The following KDM7A variants were observed in gnomAD, a reference collection of about 807,000 sequenced individuals.
KDM7A encodes lysine demethylase 7A.
In KDM7A, 28 loss-of-function variants were observed where a neutral mutation model predicts 114.8. The ratio of observed to expected loss-of-function variants is 0.24; its 90% CI spans 0.18 to 0.33. KDM7A has a LOEUF of 0.33. Among genes scored for constraint, KDM7A ranks in the 10% least tolerant of loss-of-function variants. The pLI, the probability that KDM7A is intolerant of heterozygous loss-of-function variation, is 1.00. For missense variants in KDM7A, 942 were observed against 1,142.5 expected (o/e 0.82, Z 2.53); for synonymous variants, 423 against 397.8 (o/e 1.06, Z -0.75).
chr7:140,125,083 A>C (rs1585151436), intron 6 of KDM7A, among the ~76,000 whole-genome samples: 1 of 152,324 alleles, frequency 6.6e-6, no homozygotes, highest in South Asian at 2.1e-4. Flanking sequence ...TCATTGTCAA[A>C]TAGAGAAGTA....
intron 11 of KDM7A, among the ~76,000 whole-genome samples, chr7:140,110,657 G>T (rs1818416453): frequency 6.6e-6 from 1 of 151,374 alleles, no homozygotes; most frequent in African/African-American, 2.4e-5. Flanking sequence ...TTATTAAAGG[G>T]CATTTACCTA....
chr7:140,135,401 C>T (rs576883421), intron 2 of KDM7A, among the ~76,000 whole-genome samples: 3 of 152,162 alleles, frequency 2.0e-5, no homozygotes, highest in South Asian at 4.1e-4. Context: ...TGGGGTTTCA[C>T]CATGTTGGCC....
intron 10 of KDM7A, among the ~76,000 whole-genome samples, chr7:140,112,175 C>T (rs1027111606): frequency 2.6e-5 from 4 of 152,184 alleles, no homozygotes; most frequent in Non-Finnish European, 5.9e-5. Context: ...TGCTTCCACA[C>T]TGTTGTGCTC....
Position 140,089,459 on chromosome 7 carries a change from A to C in KDM7A, c.*1635T>G, listed in dbSNP as rs1010940240. Reference sequence around the variant, plus strand: ...GCAATTCAAGTGATACTTAATAGAGAAGGGTAAGTCCTGCTATCTTGCTGA... The same window carrying C: ...GCAATTCAAGTGATACTTAATAGAGCAGGGTAAGTCCTGCTATCTTGCTGA... On this transcript the variant is annotated 3_prime_UTR_variant, in exon 20 of 20. Transcript: ENST00000397560. 2.0e-5 allele frequency: 3 copies of C among 152,194 alleles called. No homozygotes were observed. The highest frequency in any genetic ancestry group is 7.2e-5 in the African/African-American group (3 of 41,440). 9.4% of individuals were successfully genotyped at this position (152,194 alleles called of 1,614,324 possible).
At chr7:140,157,971 A>AAAATAAATAAAT (rs34647950) in intron 1 of KDM7A, among the ~76,000 whole-genome samples, 3 of 143,776 alleles carry the variant, frequency 2.1e-5, no homozygotes, top group Middle Eastern at 3.6e-3. Flanking sequence ...TCCGTCTCAA[A>AAAATAAATAAAT]AAATAAATAA....
At chr7:140,114,351 G>A (rs1818480545) in intron 9 of KDM7A, among the ~76,000 whole-genome samples, 1 of 152,076 alleles carries the variant, frequency 6.6e-6, no homozygotes. Context: ...TATTTTTTTG[G>A]TGGAGACGGG....
At position 140,092,087 on chromosome 7, in the gene KDM7A, G is replaced by A. The variant is rs753133628; in HGVS notation, c.2458-10C>T. On this transcript the variant is annotated splice_polypyrimidine_tract_variant and intron_variant, in intron 18 of 19. Coordinates refer to ENST00000397560, the MANE Select transcript of KDM7A (RefSeq NM_030647.2). Reference sequence around the variant, plus strand: ...GGCTTCTACTTAGATCCTGAAGGAGGAGGAAGGACATGAGGCTGAATTTTT... The same window carrying A: ...GGCTTCTACTTAGATCCTGAAGGAGAAGGAAGGACATGAGGCTGAATTTTT... 72 of 1,613,668 alleles carry A rather than the reference G, an allele frequency of 4.5e-5. No individual in the cohort carries two copies. The highest frequency in any genetic ancestry group is 5.0e-5 in the Non-Finnish European group (59 of 1,179,702).
chr7:140,170,978 T>C (rs1794631663), intron 1 of KDM7A, among the ~76,000 whole-genome samples: 2 of 152,060 alleles, frequency 1.3e-5, no homozygotes, highest in Non-Finnish European at 2.9e-5. Flanking sequence ...TAATCCCAGC[T>C]ACTTGAGAGG....
At chr7:140,115,591 G>A (rs1272264671) in intron 9 of KDM7A, among the ~76,000 whole-genome samples, 2 of 151,974 alleles carry the variant, frequency 1.3e-5, no homozygotes, top group African/African-American at 4.8e-5. Flanking sequence ...GATGCTTGAA[G>A]GTAGCATGCT....
chr7:140,170,459 C>T (rs1794626543), intron 1 of KDM7A, among the ~76,000 whole-genome samples: 1 of 152,218 alleles, frequency 6.6e-6, no homozygotes, highest in African/African-American at 2.4e-5. Flanking sequence ...AGACTCAGTA[C>T]CATCTACCCC....
At position 140,138,097 on chromosome 7, in the gene KDM7A, G is replaced by A. The variant is rs78175233; in HGVS notation, c.280+1008C>T. 1.2e-4 allele frequency among the ~76,000 whole-genome samples: 18 copies of A among 152,240 alleles called. No individual in the cohort carries two copies. The East Asian group carries it at 2.5e-3, about 21-fold the overall frequency. On this transcript the variant is annotated intron_variant, in intron 2 of 19. Coordinates refer to ENST00000397560, the MANE Select transcript of KDM7A (RefSeq NM_030647.2). Reference sequence around the variant, plus strand: ...ATCACAGCACTTTTGGGAGTCTGAGGCAGAGTTCGAGACCAGCCTGGGCAA... The same window carrying A: ...ATCACAGCACTTTTGGGAGTCTGAGACAGAGTTCGAGACCAGCCTGGGCAA...
In KDM7A at chr7:140,102,002, C is replaced by T; in HGVS notation, c.1587G>A (p.Glu529=). 6.2e-7 allele frequency: 1 copy of T among 1,613,952 alleles called. No homozygotes were observed. Among genetic ancestry groups the T allele is most frequent in the Non-Finnish European group, 8.5e-7 (1 of 1,179,830 alleles). The change falls in exon 12 of 20, where the codon GAG becomes GAA. Residue 529 remains glutamate (E), a synonymous_variant. Coordinates refer to ENST00000397560, the MANE Select transcript of KDM7A (RefSeq NM_030647.2). ...VRTPSNLDIL[E]LHTREVLKRL... ...TTTTGAGGACCTCCCTTGTGTGGAG[C>T]TCTAGGATGTCTAGGTTAGAAGGAG...
intron 11 of KDM7A, among the ~76,000 whole-genome samples, chr7:140,105,923 C>T (rs1025311178): frequency 6.6e-6 from 1 of 152,016 alleles, no homozygotes; most frequent in African/African-American, 2.4e-5. Context: ...TGGTCCTGGA[C>T]TTTTTTTGGG....
intron 1 of KDM7A, among the ~76,000 whole-genome samples, chr7:140,142,903 A>T (rs1056670887): frequency 3.7e-4 from 24 of 64,702 alleles, no homozygotes; most frequent in Non-Finnish European, 5.7e-4. Flanking sequence ...AATGCAAATT[A>T]AAAAAAAAAT....
rs866720405 is a variant in KDM7A at position 140,104,934 on chromosome 7, C to A, written c.1429-2774G>T. Among the ~76,000 whole-genome samples the A allele has an allele frequency of 3.4e-4, 51 of 152,196 alleles. No homozygotes were observed. In the Middle Eastern group the frequency reaches 0.014, roughly 41 times the overall value. On this transcript the variant is annotated intron_variant, in intron 11 of 19. Transcript: ENST00000397560. ...TTCCTATCCATGAGCATGGAATGTTCTTCCATTTGTTTGTGTCTTCTTTTA... is the reference window on the plus strand; with the variant it reads ...TTCCTATCCATGAGCATGGAATGTTATTCCATTTGTTTGTGTCTTCTTTTA...
At position 140,176,690 on chromosome 7, in the gene KDM7A, C is replaced by CGGT. The variant is rs1187009471; in HGVS notation, c.194+51_194+53dup. 9.0e-7 allele frequency: 1 copy of CGGT among 1,106,738 alleles called. No homozygotes were observed. Among genetic ancestry groups the CGGT allele is most frequent in the African/African-American group, 1.7e-5 (1 of 59,506 alleles). The allele number at this position is 1,106,738 out of a possible 1,614,324, so 68.6% of individuals were successfully genotyped here. A position where few individuals can be genotyped will look rare whatever the true frequency, so the allele number is the denominator to read the frequency against. ...AGGCGCGGGCGGCCGGCGGCGGCGGCGGTTGGTCGGTGGCCGGCGGTGGCG... is the reference window on the plus strand; with the variant it reads ...AGGCGCGGGCGGCCGGCGGCGGCGGCGGTGGTTGGTCGGTGGCCGGCGGTGGCG... On this transcript the variant is annotated intron_variant, in intron 1 of 19. Coordinates refer to ENST00000397560, the MANE Select transcript of KDM7A (RefSeq NM_030647.2). This position sits in a 1 kb window ranked among gnomAD's most constrained non-coding sequence, Gnocchi z 4.4.
At chr7:140,163,862 G>C (rs1794546106) in intron 1 of KDM7A, among the ~76,000 whole-genome samples, 1 of 152,076 alleles carries the variant, frequency 6.6e-6, no homozygotes, top group Non-Finnish European at 1.5e-5. Flanking sequence ...CCAAAGACTA[G>C]ATAAAAGAAA....
At chr7:140,173,027 A>C (rs1794663952) in intron 1 of KDM7A, among the ~76,000 whole-genome samples, 1 of 152,220 alleles carries the variant, frequency 6.6e-6, no homozygotes. Context: ...TAACAGGAAG[A>C]AAACAGAAAC....
At chr7:140,124,863 C>A (rs1332023982) in intron 6 of KDM7A, 80 bp from the exon 7 acceptor site, 2 of 778,870 alleles carry the variant, frequency 2.6e-6, no homozygotes, top group South Asian at 3.7e-5. Flanking sequence ...TTTCTCAATA[C>A]AATGATACAA....
Sources: gnomAD v4.1 joint callset for allele counts (sites outside exome capture counted in the v4.1 genomes callset) on GRCh38, gnomAD v4.1.1 for gene constraint, Gnocchi (gnomAD v3.1) non-coding constraint, MANE v1.5 for transcripts, NCBI Gene and HGNC (gene_info 2026-07-23, HGNC 2026-07-21) for gene names.